The following CPQ variants were observed in gnomAD, a reference collection of about 807,000 sequenced individuals.
CPQ encodes Ser-Met dipeptidase.
Under a neutral mutation model 45.7 loss-of-function variants are expected in CPQ, and 37 were observed. The ratio of observed to expected loss-of-function variants is 0.81; its 90% CI spans 0.62 to 1.07. The LOEUF is 1.07. CPQ is among the 50% of genes least tolerant of loss of function. The probability of loss-of-function intolerance (pLI) is 0.00; values close to 1 mark genes in which losing one functional copy is unlikely to be tolerated. For synonymous variants in CPQ, 186 were observed against 205.8 expected (o/e 0.90, Z 0.82); for missense variants, 537 against 572.9 (o/e 0.94, Z 0.64).
At chr8:96,740,762 C>T (rs1465202494) in intron 1 of CPQ, among the ~76,000 whole-genome samples, 1 of 152,090 alleles carries the variant, frequency 6.6e-6, no homozygotes, top group Non-Finnish European at 1.5e-5. Context: ...TGCTGGATTA[C>T]ATTTATAGAT....
intron 1 of CPQ, among the ~76,000 whole-genome samples, chr8:96,750,021 T>C (rs1257150416): frequency 6.6e-6 from 1 of 152,004 alleles, no homozygotes; most frequent in African/African-American, 2.4e-5. Context: ...GATGTAGAGA[T>C]ATATTTATAG....
chr8:96,787,525 C>CTTTTT lies in CPQ; in HGVS notation c.433+2221_433+2225dup, dbSNP rs71267281. Among the ~76,000 whole-genome samples the CTTTTT allele has an allele frequency of 4.6e-3, 221 of 47,590 alleles. 33 individuals are homozygous for CTTTTT. Among genetic ancestry groups the CTTTTT allele is most frequent in the African/African-American group, 0.013 (158 of 12,408 alleles). 31.2% of individuals were successfully genotyped at this position (47,590 alleles called of 152,430 possible). On this transcript the variant is annotated intron_variant, in intron 2 of 7. Transcript: ENST00000220763. The stretch of plus-strand genomic sequence containing the variant: ...TTGTAGTTTCATTTTCTTATAATGT[C>CTTTTT]TTTTTTTTTTTTTTTTTTTTTTTTT...
Position 96,797,654 on chromosome 8 carries a change from C to T in CPQ, c.433+12324C>T, listed in dbSNP as rs561117504. On this transcript the variant is annotated intron_variant, in intron 2 of 7. Coordinates refer to ENST00000220763, the MANE Select transcript of CPQ (RefSeq NM_016134.4). ...AGGTTTGGCTGGGTGCGGTGGCTCA[C>T]GCTTTTAATCTCAGTGCTTTGGGAG... Among the ~76,000 whole-genome samples the T allele has an allele frequency of 8.5e-4, 129 of 152,228 alleles. 1 individual carries two copies. The highest frequency in any genetic ancestry group is 1.4e-3 in the Admixed American group (22 of 15,294).
At chr8:96,669,743 A>G (rs760446645) in intron 1 of CPQ, among the ~76,000 whole-genome samples, 4 of 152,228 alleles carry the variant, frequency 2.6e-5, no homozygotes, top group Non-Finnish European at 4.4e-5. Context: ...TATGCTATGT[A>G]CAAGAAACTT....
intron 4 of CPQ, among the ~76,000 whole-genome samples, chr8:96,936,812 G>A (rs1048907971): frequency 2.6e-5 from 4 of 152,148 alleles, no homozygotes; most frequent in African/African-American, 9.6e-5. Flanking sequence ...GTGGAGAGAA[G>A]GTTCTCAGTA....
At chr8:96,785,464 C>T (rs1441519875) in intron 2 of CPQ, 134 bp downstream of exon 2, 31 of 703,788 alleles carry the variant, frequency 4.4e-5, no homozygotes, top group Admixed American at 1.9e-4. Context: ...GTTCTCTACC[C>T]TTTTTTGTCC....
chr8:96,956,538 T>C (rs946100135), intron 4 of CPQ, among the ~76,000 whole-genome samples: 2 of 152,160 alleles, frequency 1.3e-5, no homozygotes, highest in Admixed American at 6.6e-5. Context: ...TTCATTGTAT[T>C]GTAAATGGAA....
At chr8:96,874,752 G>T (rs1251880087) in intron 3 of CPQ, among the ~76,000 whole-genome samples, 1 of 151,732 alleles carries the variant, frequency 6.6e-6, no homozygotes, top group South Asian at 2.1e-4. Context: ...AGGTATTAAG[G>T]TTGTTTCTAC....
intron 4 of CPQ, among the ~76,000 whole-genome samples, chr8:96,918,259 G>T (rs895636545): frequency 2.0e-5 from 3 of 152,088 alleles, no homozygotes; most frequent in African/African-American, 7.2e-5. Context: ...TACAGCTTGA[G>T]ATATCAATTT....
At position 96,995,590 on chromosome 8, in the gene CPQ, G is replaced by C. The variant is rs373055021; in HGVS notation, c.961+29544G>C. On this transcript the variant is annotated intron_variant, in intron 5 of 7. Transcript: ENST00000220763. Reference sequence around the variant, plus strand: ...GTGGGAAATCCAAATGGCAAGGTCTGATAGCAGCTGAATAGTTAGAATTGG... The same window carrying C: ...GTGGGAAATCCAAATGGCAAGGTCTCATAGCAGCTGAATAGTTAGAATTGG... Among the ~76,000 whole-genome samples the C allele has an allele frequency of 1.3e-4, 19 of 149,656 alleles. No individual in the cohort carries two copies. In the East Asian group the frequency reaches 2.7e-3, roughly 21 times the overall value.
intron 1 of CPQ, among the ~76,000 whole-genome samples, chr8:96,684,386 G>A (rs1220959245): frequency 1.3e-5 from 2 of 152,170 alleles, no homozygotes; most frequent in Admixed American, 6.5e-5. Flanking sequence ...GCTGGAGATG[G>A]GCATGCCATG....
At chr8:96,937,703 C>T (rs1219952114) in intron 4 of CPQ, among the ~76,000 whole-genome samples, 1 of 152,154 alleles carries the variant, frequency 6.6e-6, no homozygotes, top group Non-Finnish European at 1.5e-5. Flanking sequence ...TGCCTATACC[C>T]GCAGTCAATT....
At chr8:96,800,648 T>C (rs917387922) in intron 2 of CPQ, among the ~76,000 whole-genome samples, 1 of 152,150 alleles carries the variant, frequency 6.6e-6, no homozygotes, top group Non-Finnish European at 1.5e-5. Context: ...GACTAATGTA[T>C]GTATTGCAAC....
chr8:96,986,825 A>AGT (rs1808991358), intron 5 of CPQ, among the ~76,000 whole-genome samples: 1 of 152,188 alleles, frequency 6.6e-6, no homozygotes, highest in African/African-American at 2.4e-5. Flanking sequence ...AACTCATCTG[A>AGT]TATACCCCTA....
chr8:96,866,734 G>C (rs1563516433), intron 3 of CPQ, among the ~76,000 whole-genome samples: 1 of 152,024 alleles, frequency 6.6e-6, no homozygotes. Context: ...TTTATGAAGT[G>C]AATTAAATCT....
At position 96,925,629 on chromosome 8, in the gene CPQ, C is replaced by T. The variant is rs111453302; in HGVS notation, c.850-40306C>T. Among the ~76,000 whole-genome samples, 447 of 152,042 alleles carry T rather than the reference C, an allele frequency of 2.9e-3. 4 individuals carry two copies. The highest frequency in any genetic ancestry group is 0.01 in the Middle Eastern group (3 of 292). ...ACCTCCTGACCTCAAGTGATCTGCC[C>T]GCCTTGGCCTCCCAAAGTGCTGGGA... On this transcript the variant is annotated intron_variant, in intron 4 of 7. Transcript: ENST00000220763.
chr8:96,940,534 G>GAAGAC (rs1813111895), intron 4 of CPQ, among the ~76,000 whole-genome samples: 1 of 152,156 alleles, frequency 6.6e-6, no homozygotes, highest in African/African-American at 2.4e-5. Flanking sequence ...ACCCAGTGGA[G>GAAGAC]AAGACAAATG....
intron 2 of CPQ, among the ~76,000 whole-genome samples, chr8:96,822,207 C>G (rs989097793): frequency 6.6e-6 from 1 of 151,996 alleles, no homozygotes; most frequent in Non-Finnish European, 1.5e-5. Flanking sequence ...TCAAGTTCAT[C>G]CAAGTTGTTG....
intron 1 of CPQ, among the ~76,000 whole-genome samples, chr8:96,650,582 G>T (rs1815566610): frequency 6.6e-6 from 1 of 152,134 alleles, no homozygotes. Flanking sequence ...TCTGACTTTG[G>T]GTCCATTGCT....
Sources: allele counts gnomAD v4.1 joint callset (sites outside exome capture counted in the v4.1 genomes callset), GRCh38; gene constraint gnomAD v4.1.1; transcripts MANE v1.5; gene names NCBI Gene and HGNC (gene_info 2026-07-23, HGNC 2026-07-21).